ATP2B2: variants seen among roughly 807,000 people sequenced by gnomAD.
ATP2B2 encodes the protein plasma membrane calcium-transporting ATPase 2.
In ATP2B2, 15 loss-of-function variants were observed where a neutral mutation model predicts 120.0. The observed-to-expected ratio is 0.12, with a 90% CI of 0.08 to 0.19. The LOEUF is 0.19. Ranked by LOEUF, ATP2B2 falls within the 10% of genes least tolerant of loss-of-function variation. ATP2B2 has a pLI of 1.00. For synonymous variants in ATP2B2, 694 were observed against 700.3 expected (o/e 0.99, Z 0.14); for missense variants, 1,045 against 1,719.8 (o/e 0.61, Z 6.94).
intron 15 of ATP2B2, 97 bp from the exon 16 acceptor site, chr3:10,350,296 T>A: frequency 1.3e-6 from 2 of 1,589,260 alleles, no homozygotes; most frequent in Non-Finnish European, 1.7e-6. Flanking sequence ...ACTGGGCTCT[T>A]AGCAGCACAC....
At chr3:10,368,106 G>C (rs2061118562) in intron 12 of ATP2B2, among the ~76,000 whole-genome samples, 1 of 152,162 alleles carries the variant, frequency 6.6e-6, no homozygotes, top group African/African-American at 2.4e-5. Flanking sequence ...ATTTCTCAGA[G>C]TAAACTGAGG....
At chr3:10,581,722 A>G (rs1280701988) in intron 2 of ATP2B2, among the ~76,000 whole-genome samples, 1 of 152,200 alleles carries the variant, frequency 6.6e-6, no homozygotes, top group Non-Finnish European at 1.5e-5. Context: ...AAAATGTTGG[A>G]AAAAACTCCT....
At chr3:10,534,952 G>A (rs1472905738) in intron 2 of ATP2B2, among the ~76,000 whole-genome samples, 3 of 137,870 alleles carry the variant, frequency 2.2e-5, no homozygotes, top group Non-Finnish European at 3.0e-5. Context: ...CATCCAGGCT[G>A]GAGTGCAATG....
rs568260597 is a variant in ATP2B2, at chr3:10,608,636, G to T, written c.-415+11281C>A. On this transcript the variant is annotated intron_variant, in intron 2 of 21. Transcript: ENST00000646379. ...TCTTTGCAGTCACTCATAAGATTTT[G>T]GCTGCCCTTTGTTCCCTGAAGAACT... Among the ~76,000 whole-genome samples, 8 of 152,250 alleles carry T rather than the reference G, an allele frequency of 5.3e-5. No individual in the cohort carries two copies. The South Asian group carries it at 1.7e-3, about 32-fold the overall frequency.
intron 13 of ATP2B2, 84 bp downstream of exon 13, chr3:10,359,798 C>T (rs997457493): frequency 1.1e-5 from 18 of 1,582,930 alleles, no homozygotes; most frequent in Middle Eastern, 1.7e-4. Context: ...GCCTGGATGG[C>T]GGCCAGTGCT....
Position 10,338,275 on chromosome 3 carries a change from C to G in ATP2B2, c.3321G>C (p.Glu1107Asp). The G allele has an allele frequency of 6.2e-7, 1 of 1,614,114 alleles. No homozygotes were observed. Among genetic ancestry groups the G allele is most frequent in the African/African-American group, 1.3e-5 (1 of 75,070 alleles). The change falls in exon 22 of 23, where the codon GAG (glutamate) becomes GAC (aspartate). Residue 1107 changes from glutamate (E) to aspartate (D), a missense_variant. By Grantham distance (45) the Glu-to-Asp change is conservative (BLOSUM62 2). This residue lies in a region of ATP2B2 where 211 missense variants were observed against 385.1 expected (regional missense o/e 0.55). Transcript: ENST00000360273. The stretch of plus-strand genomic sequence containing the variant: ...TCTCCTCCACGTCCTCGTTGAGCTC[C>G]TCCTCCGGGATCTCCTCCTTCTGTG... ...RLTQKEEIPE[E>D]ELNEDVEEID...
intron 2 of ATP2B2, among the ~76,000 whole-genome samples, chr3:10,602,546 C>A (rs975804114): frequency 2.0e-5 from 3 of 152,362 alleles, no homozygotes; most frequent in Admixed American, 6.5e-5. Flanking sequence ...CAGGCAGCGG[C>A]AGCGAGGTGG....
At chr3:10,652,581 C>T (rs971314107) in intron 1 of ATP2B2, among the ~76,000 whole-genome samples, 3 of 152,102 alleles carry the variant, frequency 2.0e-5, no homozygotes, top group Non-Finnish European at 4.4e-5. Flanking sequence ...AGAATCACCA[C>T]GTGATACAGC....
chr3:10,569,161 C>T (rs989093187), intron 2 of ATP2B2, among the ~76,000 whole-genome samples: 6 of 152,184 alleles, frequency 3.9e-5, no homozygotes, highest in Non-Finnish European at 8.8e-5. Context: ...TTATGTGGCC[C>T]CAAAGCCCTT....
chr3:10,572,872 G>A (rs563979507), intron 2 of ATP2B2, among the ~76,000 whole-genome samples: 36 of 152,146 alleles, frequency 2.4e-4, no homozygotes, highest in South Asian at 6.2e-4. Flanking sequence ...TAACTTAGGG[G>A]CAGCTCTAAA....
chr3:10,539,707 A>T (rs1181588727), intron 2 of ATP2B2, among the ~76,000 whole-genome samples: 1 of 152,224 alleles, frequency 6.6e-6, no homozygotes, highest in Non-Finnish European at 1.5e-5. Context: ...ACCTTATACA[A>T]AAATTAATTC....
At chr3:10,692,121 A>AT (rs1406511087) in intron 1 of ATP2B2, among the ~76,000 whole-genome samples, 2 of 152,206 alleles carry the variant, frequency 1.3e-5, no homozygotes, top group East Asian at 1.9e-4. Flanking sequence ...AAGTGGCTCT[A>AT]TTTTTTATTA....
chr3:10,338,092 TG>T (rs1325743401), intron 22 of ATP2B2, 83 bp downstream of exon 22: 1 of 1,579,642 alleles, frequency 6.3e-7, no homozygotes, highest in Non-Finnish European at 8.6e-7. Context: ...AGCTGGGCCC[TG>T]GGGGGCAGCA....
At chr3:10,437,722 T>C (rs1244468342) in intron 2 of ATP2B2, among the ~76,000 whole-genome samples, 1 of 152,182 alleles carries the variant, frequency 6.6e-6, no homozygotes, top group East Asian at 1.9e-4. Context: ...CAAATCCATA[T>C]GTTGAAGTCC....
chr3:10,454,346 T>C (rs1250697282), intron 1 of ATP2B2, among the ~76,000 whole-genome samples: 1 of 152,058 alleles, frequency 6.6e-6, no homozygotes, highest in Middle Eastern at 3.2e-3. Flanking sequence ...AAGGACTTAA[T>C]AAAAAGATGA....
chr3:10,512,360 T>C (rs987659015), intron 3 of ATP2B2, among the ~76,000 whole-genome samples: 3 of 152,028 alleles, frequency 2.0e-5, no homozygotes, highest in African/African-American at 7.2e-5. Context: ...GAATAAAATG[T>C]GGTCATCCCA....
At chr3:10,540,735 G>C (rs2067419940) in intron 2 of ATP2B2, among the ~76,000 whole-genome samples, 1 of 98,508 alleles carries the variant, frequency 1.0e-5, no homozygotes, top group Non-Finnish European at 1.9e-5. Flanking sequence ...GGGGGGAGGG[G>C]GGAGGGATAG....
At chr3:10,424,191 G>A (rs1005182941) in intron 2 of ATP2B2, among the ~76,000 whole-genome samples, 1 of 152,174 alleles carries the variant, frequency 6.6e-6, no homozygotes, top group African/African-American at 2.4e-5. Context: ...TGGCCATTCT[G>A]TAAGATAGGG....
At chr3:10,490,417 T>TTC (rs56207826) in intron 1 of ATP2B2, among the ~76,000 whole-genome samples, 4 of 151,170 alleles carry the variant, frequency 2.6e-5, no homozygotes, top group Admixed American at 6.6e-5. Context: ...TTTTTTTTTT[T>TTC]CTCTGAGATG....
Sources: gnomAD v4.1 joint callset for allele counts (sites outside exome capture counted in the v4.1 genomes callset) on GRCh38, gnomAD v4.1.1 for gene constraint, gnomAD v4.1.1 regional missense constraint, MANE v1.5 for transcripts, NCBI Gene and HGNC (gene_info 2026-07-23, HGNC 2026-07-21) for gene names.